CATSPERB: variants seen among roughly 807,000 people sequenced by gnomAD.
CATSPERB encodes the protein cation channel sperm-associated auxiliary subunit beta.
CATSPERB carries 93 observed loss-of-function variants against 128.3 expected under a neutral mutation model. The ratio of observed to expected loss-of-function variants is 0.72; its 90% CI spans 0.61 to 0.86. The LOEUF (loss-of-function observed/expected upper bound fraction) is 0.86. Among genes scored for constraint, CATSPERB ranks in the 40% least tolerant of loss-of-function variants. The probability of loss-of-function intolerance (pLI) is 0.00; values close to 1 mark genes in which losing one functional copy is unlikely to be tolerated. For synonymous variants in CATSPERB, 381 were observed against 448.8 expected (o/e 0.85, Z 1.91); for missense variants, 1,153 against 1,329.5 (o/e 0.87, Z 2.06).
At chr14:91,657,404 A>C (rs1445565651) in intron 15 of CATSPERB, among the ~76,000 whole-genome samples, 1 of 149,260 alleles carries the variant, frequency 6.7e-6, no homozygotes, top group Non-Finnish European at 1.5e-5. Context: ...ATAAAAAAAA[A>C]CTATAAAACG....
Position 91,626,675 on chromosome 14 carries a change from G to A in CATSPERB, c.1743-1668C>T, listed in dbSNP as rs566805332. On this transcript the variant is annotated intron_variant, in intron 17 of 26. Coordinates refer to ENST00000256343, the MANE Select transcript of CATSPERB (RefSeq NM_024764.4). The stretch of plus-strand genomic sequence containing the variant: ...CTTCTGCCTTCCACCATGGGATGAC[G>A]GAGCATGAGGCCCTCACCAGATGTG... 8.5e-5 allele frequency among the ~76,000 whole-genome samples: 13 copies of A among 152,162 alleles called. No individual in the cohort carries two copies. The South Asian group carries it at 1.2e-3, about 15-fold the overall frequency.
chr14:91,671,744 C>T (rs2139830784), intron 13 of CATSPERB, among the ~76,000 whole-genome samples: 1 of 151,934 alleles, frequency 6.6e-6, no homozygotes, highest in African/African-American at 2.4e-5. Flanking sequence ...AAGATGGTAC[C>T]TAACCGTCCA....
chr14:91,712,022 A>G (rs1305682794), intron 5 of CATSPERB, among the ~76,000 whole-genome samples: 1 of 152,222 alleles, frequency 6.6e-6, no homozygotes, highest in Non-Finnish European at 1.5e-5. Context: ...TTTTAATTGA[A>G]AGAAGAGGAA....
chr14:91,598,875 A>AAAAAAAAC, intron 22 of CATSPERB, among the ~76,000 whole-genome samples: 1 of 151,362 alleles, frequency 6.6e-6, no homozygotes, highest in South Asian at 2.1e-4. Flanking sequence ...AAAAAAAAAA[A>AAAAAAAAC]AGGAAAAAGA....
chr14:91,704,009 C>T (rs1895694874), intron 7 of CATSPERB, among the ~76,000 whole-genome samples: 1 of 152,052 alleles, frequency 6.6e-6, no homozygotes, highest in African/African-American at 2.4e-5. Flanking sequence ...CTCCAGATAG[C>T]TAGTGCCAGA....
intron 20 of CATSPERB, among the ~76,000 whole-genome samples, chr14:91,611,174 G>C (rs1450629720): frequency 6.6e-6 from 1 of 152,102 alleles, no homozygotes; most frequent in African/African-American, 2.4e-5. Context: ...AATACAAAAA[G>C]ACATGACAGA....
At chr14:91,589,054 ATAGGGGTAAACATC>A (rs1472478319) in intron 24 of CATSPERB, among the ~76,000 whole-genome samples, 1 of 152,250 alleles carries the variant, frequency 6.6e-6, no homozygotes, top group African/African-American at 2.4e-5. Context: ...GGTAAAGTGA[ATAGGGGTAAACATC>A]TTATTTAAAC....
At chr14:91,686,328 G>A (rs76862103) in intron 10 of CATSPERB, among the ~76,000 whole-genome samples, 3,556 of 152,184 alleles carry the variant, frequency 0.023, 137 homozygotes, top group African/African-American at 0.082. Context: ...GAATAAGCAT[G>A]GAATATAGGA....
At chr14:91,624,344 C>T (rs529168570) in intron 18 of CATSPERB, among the ~76,000 whole-genome samples, 10 of 152,312 alleles carry the variant, frequency 6.6e-5, no homozygotes, top group African/African-American at 1.4e-4. Flanking sequence ...ATTAGCTGGG[C>T]GTGGCAGCAT....
At chr14:91,632,278 C>T (rs2139798530) in intron 17 of CATSPERB, among the ~76,000 whole-genome samples, 2 of 152,018 alleles carry the variant, frequency 1.3e-5, no homozygotes, top group South Asian at 2.1e-4. Flanking sequence ...CCAAAGAAGG[C>T]TGATGCCATG....
rs551948987 is a variant in CATSPERB at position 91,716,571 on chromosome 14, C to T, written c.370+2847G>A. On this transcript the variant is annotated intron_variant, in intron 5 of 26. Transcript: ENST00000256343. ...CCAGCCTGGGCAACAGAGCAGATTT[C>T]GTCTCAAAAAAATCCAAACAAATAA... Among the ~76,000 whole-genome samples, 3 of 151,998 alleles carry T rather than the reference C, an allele frequency of 2.0e-5. 1 individual carries two copies. The highest frequency in any genetic ancestry group is 6.8e-3 in the Middle Eastern group (2 of 294).
intron 11 of CATSPERB, among the ~76,000 whole-genome samples, chr14:91,679,594 A>G (rs540904927): frequency 6.6e-6 from 1 of 152,342 alleles, no homozygotes; most frequent in Admixed American, 6.5e-5. Context: ...TTACAGCCAC[A>G]TAACCTTCTA....
At chr14:91,661,663 G>A (rs1200545397) in intron 14 of CATSPERB, among the ~76,000 whole-genome samples, 2 of 151,678 alleles carry the variant, frequency 1.3e-5, no homozygotes, top group Non-Finnish European at 2.9e-5. Context: ...CTCCCAAGTA[G>A]CTGGGACTAC....
chr14:91,681,084 C>T (rs988269755), intron 11 of CATSPERB, among the ~76,000 whole-genome samples: 9 of 152,144 alleles, frequency 5.9e-5, no homozygotes, highest in Admixed American at 3.9e-4. Context: ...TATGCATGTT[C>T]GTTCAATATG....
At chr14:91,716,283 A>G (rs1002605209) in intron 5 of CATSPERB, among the ~76,000 whole-genome samples, 1 of 152,250 alleles carries the variant, frequency 6.6e-6, no homozygotes, top group Non-Finnish European at 1.5e-5. Flanking sequence ...TAGTTGTTAG[A>G]AAAATGCAAA....
chr14:91,696,611 A>G (rs901352763), intron 7 of CATSPERB, among the ~76,000 whole-genome samples: 1 of 152,228 alleles, frequency 6.6e-6, no homozygotes, highest in African/African-American at 2.4e-5. Context: ...GGAACAGAGA[A>G]GTGGAGATGG....
At chr14:91,697,468 C>T (rs147605550) in intron 7 of CATSPERB, among the ~76,000 whole-genome samples, 14 of 152,216 alleles carry the variant, frequency 9.2e-5, no homozygotes, top group South Asian at 2.1e-4. Context: ...GCAGATACTA[C>T]GGATTTCAGA....
rs1896062666 is a variant in CATSPERB at position 91,723,148 on chromosome 14, T to C, written c.210A>G (p.Ser70=). ...CFFQTENEIA[S]KAMLSVFTSG... ...ATGTGAACACACTTAGCATTGCTTT[T>C]GATGCAATTTCATTTTCAGTTTGGA... The change falls in exon 4 of 27, where the codon TCA becomes TCG. Residue 70 remains serine, a synonymous_variant. Coordinates refer to ENST00000256343, the MANE Select transcript of CATSPERB (RefSeq NM_024764.4). 1 of 1,519,596 alleles carries C rather than the reference T, an allele frequency of 6.6e-7. No individual in the cohort carries two copies. Among genetic ancestry groups the C allele is most frequent in the African/African-American group, 1.4e-5 (1 of 71,270 alleles). The allele number at this position is 1,519,596 out of a possible 1,614,324, so 94.1% of individuals were successfully genotyped here.
intron 6 of CATSPERB, among the ~76,000 whole-genome samples, chr14:91,707,747 C>T (rs1471261372): frequency 6.7e-6 from 1 of 150,328 alleles, no homozygotes; most frequent in Non-Finnish European, 1.5e-5. Flanking sequence ...TACAGATGTG[C>T]ATCACCATGC....
Sources: gnomAD v4.1 joint callset for allele counts (sites outside exome capture counted in the v4.1 genomes callset) on GRCh38, gnomAD v4.1.1 for gene constraint, MANE v1.5 for transcripts, NCBI Gene and HGNC (gene_info 2026-07-23, HGNC 2026-07-21) for gene names.